The following ZDHHC13 variants were observed in gnomAD, a reference collection of about 807,000 sequenced individuals.
The protein encoded by ZDHHC13 is zDHHC palmitoyltransferase 13, also known as palmitoyltransferase ZDHHC13.
ZDHHC13 carries 85 observed loss-of-function variants against 86.0 expected under a neutral mutation model. That is an observed-to-expected ratio of 0.99 (90% CI 0.83 to 1.18). ZDHHC13 has a LOEUF of 1.18. Among genes scored for constraint, ZDHHC13 ranks in the 50% most tolerant of loss-of-function variants. The pLI, the probability that ZDHHC13 is intolerant of heterozygous loss-of-function variation, is 0.00. For missense variants in ZDHHC13, 711 were observed against 730.2 expected, an observed-to-expected ratio of 0.97 and a Z score of 0.30; for synonymous variants, 263 against 246.4, an observed-to-expected ratio of 1.07 and a Z score of -0.63.
chr11:19,162,041 A>T (rs1418714435), intron 10 of ZDHHC13, among the ~76,000 whole-genome samples: 3 of 152,158 alleles, frequency 2.0e-5, no homozygotes, highest in Admixed American at 6.6e-5. Flanking sequence ...TGACCAGGAA[A>T]ATGTTATATA....
upstream of ZDHHC13, chr11:19,117,136 C>T (rs941805772): frequency 1.8e-5 from 21 of 1,165,540 alleles, no homozygotes; most frequent in Middle Eastern, 2.8e-4. This position sits in a 1 kb window ranked among gnomAD's most constrained non-coding sequence, Gnocchi z 4.2. Context: ...ACCGCAGCGG[C>T]GGAGGTGAGG....
In ZDHHC13 at chr11:19,159,016, A is replaced by G; in HGVS notation, c.1084A>G (p.Thr362Ala). The G allele has an allele frequency of 6.5e-7, 1 of 1,548,414 alleles. No homozygotes were observed. The highest frequency in any genetic ancestry group is 1.2e-5 in the South Asian group (1 of 83,758). The change falls in exon 10 of 17, where the codon ACT becomes GCT. Residue 362 changes from threonine (T) to alanine (A), a missense_variant. Coordinates refer to ENST00000446113, the MANE Select transcript of ZDHHC13 (RefSeq NM_019028.3). ...AAGTTCTGTTTTTTGGATATTTATG[A>G]CTTGGTTCATCTTATTTTTTCCTGA... ...LLSSVFWIFM[T>A]WFILFFPDLA...
chr11:19,169,128 C>T, intron 14 of ZDHHC13: 2 of 985,434 alleles, frequency 2.0e-6, no homozygotes, highest in Non-Finnish European at 2.4e-6. Flanking sequence ...TGAGATCATG[C>T]TGTATTATCA....
intron 1 of ZDHHC13, among the ~76,000 whole-genome samples, chr11:19,135,143 C>T (rs1849100633): frequency 6.6e-6 from 1 of 152,224 alleles, no homozygotes; most frequent in African/African-American, 2.4e-5. Flanking sequence ...GTGATTTCTG[C>T]ATCTCCATCT....
chr11:19,158,946 G>A lies in ZDHHC13; in HGVS notation c.1014G>A (p.Leu338=). 6.6e-7 allele frequency: 1 copy of A among 1,524,270 alleles called. No individual in the cohort carries two copies. Among genetic ancestry groups the A allele is most frequent in the South Asian group, 1.3e-5 (1 of 77,870 alleles). 94.4% of individuals were successfully genotyped at this position (1,524,270 alleles called of 1,614,324 possible). A position where few individuals can be genotyped will look rare whatever the true frequency, so the allele number is the denominator to read the frequency against. ...TTTATCTTTTTTCTTTTAGGTTCTT[G>A]GTTGGGTATAAGAACCTTGTATACT... is the stretch of plus-strand genomic sequence containing the variant. The part of the protein sequence containing the change: ...FFLTSLFPRF[L]VGYKNLVYLP... Residue 338 remains leucine, a synonymous_variant, in exon 10 of 17, where the codon TTG becomes TTA. Coordinates refer to ENST00000446113, the MANE Select transcript of ZDHHC13 (RefSeq NM_019028.3).
intron 1 of ZDHHC13, among the ~76,000 whole-genome samples, chr11:19,140,660 C>G (rs1469022298): frequency 2.0e-5 from 3 of 152,024 alleles, no homozygotes; most frequent in Non-Finnish European, 4.4e-5. Context: ...AGACTTGGAA[C>G]CAACCCAAAT....
rs1294363976 is a variant in ZDHHC13 at position 19,170,593 on chromosome 11, G to A, written c.1632+25G>A. ...GGTATTTATTTCTCTTCTTATAATGGCTTTGAGTAAAATTTCTAAAACTTG... is the reference window on the plus strand; with the variant it reads ...GGTATTTATTTCTCTTCTTATAATGACTTTGAGTAAAATTTCTAAAACTTG... On this transcript the variant is annotated intron_variant, in intron 15 of 16. Coordinates refer to ENST00000446113, the MANE Select transcript of ZDHHC13 (RefSeq NM_019028.3). 5.3e-6 allele frequency: 8 copies of A among 1,497,942 alleles called. No individual in the cohort carries two copies. In the South Asian group the frequency reaches 6.6e-5, roughly 12 times the overall value. The allele number at this position is 1,497,942 out of a possible 1,614,324, so 92.8% of individuals were successfully genotyped here. A position where few individuals can be genotyped will look rare whatever the true frequency, so the allele number is the denominator to read the frequency against.
chr11:19,117,546 A>C lies in ZDHHC13; in HGVS notation c.27+270A>C. ...GGCCAGGGCGCCCCCTGGGGCCGGT[A>C]CCCGGAGCCCGGCGGGGACCTCTGT... On this transcript the variant is annotated intron_variant, in intron 1 of 16. Coordinates refer to ENST00000446113, the MANE Select transcript of ZDHHC13 (RefSeq NM_019028.3). This position sits in a 1 kb window ranked among gnomAD's most constrained non-coding sequence, Gnocchi z 4.2. 1 of 381,958 alleles carries C rather than the reference A, an allele frequency of 2.6e-6. No individual in the cohort carries two copies. The highest frequency in any genetic ancestry group is 4.7e-6 in the Non-Finnish European group (1 of 214,984). The allele number at this position is 381,958 out of a possible 1,614,324, so 23.7% of individuals were successfully genotyped here.
chr11:19,169,957 T>C (rs1469764559), intron 14 of ZDHHC13: 3 of 993,770 alleles, frequency 3.0e-6, no homozygotes, highest in Non-Finnish European at 3.6e-6. Flanking sequence ...TGTATTCTGA[T>C]GATATCTAGG....
intron 1 of ZDHHC13, among the ~76,000 whole-genome samples, chr11:19,134,740 G>T (rs1436844950): frequency 1.3e-5 from 2 of 152,080 alleles, no homozygotes; most frequent in East Asian, 3.9e-4. Context: ...ATAGCATTAG[G>T]AGGAATACGT....
intron 1 of ZDHHC13, among the ~76,000 whole-genome samples, chr11:19,138,579 C>G (rs1326379698): frequency 4.7e-5 from 7 of 148,548 alleles, no homozygotes; most frequent in South Asian, 2.2e-4. Flanking sequence ...CAGCATCATC[C>G]TGATACCAAA....
At position 19,166,308 on chromosome 11, in the gene ZDHHC13, G is replaced by A. The variant is rs749275185; in HGVS notation, c.1397G>A (p.Gly466Asp). Residue 466 changes from glycine (G) to aspartate (D), a missense_variant, in exon 14 of 17, where the codon GGC (glycine) becomes GAC (aspartate). By Grantham distance (94) the Gly-to-Asp change is moderately conservative. Transcript: ENST00000446113. Reference protein sequence around the residue: ...CLWTGRCIGFGNHHYYIFFLF... With the variant: ...CLWTGRCIGFDNHHYYIFFLF... ...TTTTTTCTTTTTTCTTGAGGTTTTG[G>A]CAACCATCACTATTACATATTCTTC... is the stretch of plus-strand genomic sequence containing the variant. 5 of 1,607,198 alleles carry A rather than the reference G, an allele frequency of 3.1e-6. No homozygotes were observed. The highest frequency in any genetic ancestry group is 1.7e-5 in the Admixed American group (1 of 59,118).
chr11:19,151,908 A>AT (rs1161793086), intron 6 of ZDHHC13, among the ~76,000 whole-genome samples: 4 of 152,132 alleles, frequency 2.6e-5, no homozygotes, highest in African/African-American at 4.8e-5. Context: ...AGTTTGAAAA[A>AT]CAAAAGCAGT....
chr11:19,118,323 G>C (rs965722319), intron 1 of ZDHHC13, among the ~76,000 whole-genome samples: 2 of 152,176 alleles, frequency 1.3e-5, no homozygotes, highest in Admixed American at 6.5e-5. Flanking sequence ...CTTTCAGCAC[G>C]ATCTTGTGTA....
At chr11:19,170,164 T>G in intron 14 of ZDHHC13, 1 of 1,291,498 alleles carries the variant, frequency 7.7e-7, no homozygotes, top group East Asian at 3.5e-5. Context: ...TACGGACCCT[T>G]TTTCTTTATT....
chr11:19,126,740 T>A (rs576089816), intron 1 of ZDHHC13, among the ~76,000 whole-genome samples: 26 of 152,034 alleles, frequency 1.7e-4, no homozygotes, highest in Non-Finnish European at 3.1e-4. Context: ...TGTTCCTGCA[T>A]AGGGGTAATA....
intron 14 of ZDHHC13, chr11:19,168,165 C>T (rs992104444): frequency 3.9e-5 from 6 of 152,278 alleles, no homozygotes; most frequent in Non-Finnish European, 7.3e-5. Flanking sequence ...TTTTTGACAG[C>T]GCTTGGTTCT....
chr11:19,149,004 T>G (rs1849540943), intron 4 of ZDHHC13, among the ~76,000 whole-genome samples, 183 bp from the exon 5 acceptor site: 1 of 152,104 alleles, frequency 6.6e-6, no homozygotes, highest in South Asian at 2.1e-4. Flanking sequence ...ATCCATATAG[T>G]TCTAAGTTTG....
intron 16 of ZDHHC13, among the ~76,000 whole-genome samples, chr11:19,173,471 G>C (rs1374394715): frequency 1.3e-5 from 2 of 152,194 alleles, no homozygotes; most frequent in Admixed American, 1.3e-4. Context: ...GTGCTGCAGA[G>C]GTGACCCAGA....
Sources: allele counts gnomAD v4.1 joint callset (sites outside exome capture counted in the v4.1 genomes callset), GRCh38; gene constraint gnomAD v4.1.1; non-coding constraint Gnocchi (gnomAD v3.1); transcripts MANE v1.5; gene names NCBI Gene and HGNC (gene_info 2026-07-23, HGNC 2026-07-21).